CCDC102B: variants seen among roughly 807,000 people sequenced by gnomAD.
CCDC102B encodes the protein coiled-coil domain containing 102B.
Under a neutral mutation model 57.4 loss-of-function variants are expected in CCDC102B, and 75 were observed. The observed-to-expected ratio is 1.31, with a 90% CI of 1.08 to 1.58. The LOEUF is 1.58. Ranked by LOEUF, CCDC102B falls within the 40% of genes most tolerant of loss-of-function variation. The pLI, the probability that CCDC102B is intolerant of heterozygous loss-of-function variation, is 0.00. For missense variants in CCDC102B, 636 were observed against 582.6 expected (o/e 1.09, Z -0.94); for synonymous variants, 206 against 201.9 (o/e 1.02, Z -0.17).
chr18:68,833,555 C>A (rs2037237246), intron 1 of CCDC102B, among the ~76,000 whole-genome samples: 1 of 151,956 alleles, frequency 6.6e-6, no homozygotes, highest in African/African-American at 2.4e-5. Context: ...AATCTGCAGG[C>A]CTTTTCCCTT....
At chr18:69,032,560 C>G (rs984207757) in intron 7 of CCDC102B, among the ~76,000 whole-genome samples, 3 of 152,172 alleles carry the variant, frequency 2.0e-5, no homozygotes, top group Non-Finnish European at 4.4e-5. Flanking sequence ...TTTTATCACA[C>G]ATCTTGATGA....
At chr18:68,894,608 G>A (rs1380064002) in intron 5 of CCDC102B, among the ~76,000 whole-genome samples, 1 of 151,538 alleles carries the variant, frequency 6.6e-6, no homozygotes, top group Non-Finnish European at 1.5e-5. Flanking sequence ...TTAAGTTAGT[G>A]AATTTTCATA....
chr18:68,739,935 A>G (rs1209847423), intron 2 of CCDC102B, among the ~76,000 whole-genome samples: 1 of 152,220 alleles, frequency 6.6e-6, no homozygotes, highest in African/African-American at 2.4e-5. Context: ...TCCCAAGATA[A>G]TTGGATTATG....
chr18:68,749,835 A>T (rs2033776100), intron 2 of CCDC102B, among the ~76,000 whole-genome samples: 1 of 152,182 alleles, frequency 6.6e-6, no homozygotes, highest in Admixed American at 6.6e-5. Flanking sequence ...CCCTAGAATA[A>T]AACCTAGGCA....
At chr18:68,947,609 A>G (rs1005128613) in intron 6 of CCDC102B, among the ~76,000 whole-genome samples, 2 of 152,104 alleles carry the variant, frequency 1.3e-5, no homozygotes, top group Non-Finnish European at 2.9e-5. Context: ...GTACTTTCTG[A>G]AATGGTTTTC....
At chr18:68,897,473 C>G in intron 6 of CCDC102B, 45 bp downstream of exon 6, 2 of 1,590,342 alleles carry the variant, frequency 1.3e-6, no homozygotes, top group Non-Finnish European at 8.6e-7. Context: ...TAATCTCACT[C>G]TGATGCCTAC....
At chr18:69,055,844 C>T (rs1456679373), downstream of CCDC102B, among the ~76,000 whole-genome samples, 2 of 152,058 alleles carry the variant, frequency 1.3e-5, no homozygotes. Context: ...GAAAGGGTTG[C>T]TCATCCGACA....
At chr18:68,791,456 A>C (rs190558198) in intron 2 of CCDC102B, among the ~76,000 whole-genome samples, 5 of 152,220 alleles carry the variant, frequency 3.3e-5, no homozygotes, top group African/African-American at 1.2e-4. Flanking sequence ...ATCCTGGAGT[A>C]GAAGTCACTC....
intron 5 of CCDC102B, among the ~76,000 whole-genome samples, chr18:68,893,318 C>T (rs757705167): frequency 2.6e-5 from 4 of 152,096 alleles, no homozygotes; most frequent in Non-Finnish European, 5.9e-5. Context: ...AGAATTGGGA[C>T]TCATCTGTAG....
intron 4 of CCDC102B, chr18:68,866,848 G>A: frequency 1.4e-6 from 1 of 690,970 alleles, no homozygotes. Context: ...TCTGGGGCCA[G>A]CACTGATCCA....
At chr18:68,811,044 C>T (rs1387653033) in intron 1 of CCDC102B, among the ~76,000 whole-genome samples, 1 of 152,112 alleles carries the variant, frequency 6.6e-6, no homozygotes, top group Non-Finnish European at 1.5e-5. Flanking sequence ...TTTTTTATGG[C>T]TGCATAGTAT....
chr18:68,896,112 AAG>A (rs1190336698), intron 5 of CCDC102B, among the ~76,000 whole-genome samples: 2 of 152,008 alleles, frequency 1.3e-5, no homozygotes, highest in African/African-American at 4.8e-5. Flanking sequence ...ATAAATGGTG[AAG>A]TCACATTAGA....
rs562001061 is a variant in CCDC102B at position 68,979,212 on chromosome 18, T to C, written c.1264-31722T>C. ...ATTCTAATTTATACTTTAAATAGCT[T>C]AGAAGTTTAGAATATGTTCAACATG... On this transcript the variant is annotated intron_variant, in intron 6 of 7. Transcript: ENST00000360242. Among the ~76,000 whole-genome samples, 4 of 152,174 alleles carry C rather than the reference T, an allele frequency of 2.6e-5. No homozygotes were observed. The East Asian group carries it at 7.8e-4, about 29-fold the overall frequency.
intron 2 of CCDC102B, among the ~76,000 whole-genome samples, chr18:68,730,046 A>G (rs2032786633): frequency 6.6e-6 from 1 of 152,178 alleles, no homozygotes; most frequent in African/African-American, 2.4e-5. Flanking sequence ...CGTACCATTG[A>G]CTTTCATTTT....
chr18:68,753,009 C>T (rs2033919844), intron 2 of CCDC102B, among the ~76,000 whole-genome samples: 1 of 152,008 alleles, frequency 6.6e-6, no homozygotes. Context: ...TTTTTTATGA[C>T]TTAACTTCTC....
At chr18:68,736,931 T>A (rs144025722) in intron 2 of CCDC102B, among the ~76,000 whole-genome samples, 100 of 152,042 alleles carry the variant, frequency 6.6e-4, no homozygotes, top group African/African-American at 2.3e-3. Context: ...CAATCGTATC[T>A]CACTTCAGGT....
At chr18:68,809,780 A>AGCTAAGAAATGTTTATTC (rs1241404350) in intron 1 of CCDC102B, among the ~76,000 whole-genome samples, 5 of 152,302 alleles carry the variant, frequency 3.3e-5, no homozygotes, top group Middle Eastern at 3.4e-3. Flanking sequence ...AAGATTCAAA[A>AGCTAAGAAATGTTTATTC]GCTAAGAAAT....
intron 2 of CCDC102B, among the ~76,000 whole-genome samples, chr18:68,750,084 G>GA (rs1305102079): frequency 1.3e-5 from 2 of 151,474 alleles, no homozygotes; most frequent in Non-Finnish European, 2.9e-5. Context: ...AAATTTACAA[G>GA]AAAAAAAACA....
chr18:68,785,389 T>G (rs1408897015), intron 2 of CCDC102B, among the ~76,000 whole-genome samples: 2 of 152,218 alleles, frequency 1.3e-5, no homozygotes, highest in Non-Finnish European at 2.9e-5. Flanking sequence ...TCTAGATCCC[T>G]GAGGAATCGC....
Sources: allele counts gnomAD v4.1 joint callset (sites outside exome capture counted in the v4.1 genomes callset), GRCh38; gene constraint gnomAD v4.1.1; transcripts MANE v1.5; gene names NCBI Gene and HGNC (gene_info 2026-07-23, HGNC 2026-07-21).